Variants in ACAP2 observed in about 807,000 individuals in gnomAD.
ACAP2 encodes the protein ArfGAP with coiled-coil, ankyrin repeat and PH domains 2.
A neutral mutation model predicts 115.8 loss-of-function variants in ACAP2; 39 were observed. The ratio of observed to expected loss-of-function variants is 0.34; its 90% CI spans 0.26 to 0.44. The LOEUF (loss-of-function observed/expected upper bound fraction) is 0.44. Ranked by LOEUF, ACAP2 falls within the 20% of genes least tolerant of loss-of-function variation. The pLI is 1.00. For missense variants in ACAP2, 662 were observed against 927.6 expected, an observed-to-expected ratio of 0.71 and a Z score of 3.72; for synonymous variants, 289 against 315.8, an observed-to-expected ratio of 0.92 and a Z score of 0.90.
In ACAP2 at chr3:195,347,034, T is replaced by C. The variant is rs535131930; in HGVS notation, c.286-1717A>G. ...TTGATGGAACTGTTGTGCATCTTGA[T>C]TTTGGTGTGGAGACCCAACTGTATG... On this transcript the variant is annotated intron_variant, in intron 4 of 22. Coordinates refer to ENST00000326793, the MANE Select transcript of ACAP2 (RefSeq NM_012287.6). Among the ~76,000 whole-genome samples the C allele has an allele frequency of 6.6e-5, 10 of 152,246 alleles. 1 individual carries two copies. In the South Asian group the frequency reaches 2.1e-3, roughly 32 times the overall value.
chr3:195,412,950 T>G (rs1194410943), intron 1 of ACAP2: 2 of 455,106 alleles, frequency 4.4e-6, no homozygotes, highest in Non-Finnish European at 8.8e-6. Flanking sequence ...TAAACAGATA[T>G]GAAATATGTA....
At chr3:195,398,904 T>C (rs896638269) in intron 1 of ACAP2, among the ~76,000 whole-genome samples, 1 of 152,132 alleles carries the variant, frequency 6.6e-6, no homozygotes, top group Admixed American at 6.6e-5. Context: ...TGTCAACTCA[T>C]ACGAGCCCCT....
chr3:195,322,192 T>C (rs1260357009), intron 9 of ACAP2, among the ~76,000 whole-genome samples: 10 of 152,184 alleles, frequency 6.6e-5, no homozygotes, highest in Admixed American at 6.5e-4. Context: ...TCAAAGCATT[T>C]TGAACACAAC....
At chr3:195,296,200 G>A in intron 16 of ACAP2, among the ~76,000 whole-genome samples, 1 of 150,736 alleles carries the variant, frequency 6.6e-6, no homozygotes. Flanking sequence ...GCTTTTTGCA[G>A]AGTAGAAAAC....
Position 195,274,925 on chromosome 3 carries a change from T to C in ACAP2, c.*4403A>G, listed in dbSNP as rs1291423727. On this transcript the variant is annotated 3_prime_UTR_variant, in exon 23 of 23. Coordinates refer to ENST00000326793, the MANE Select transcript of ACAP2 (RefSeq NM_012287.6). The stretch of plus-strand genomic sequence containing the variant: ...TAGATACAAATCCTCTACATACTAA[T>C]AAAAAGTAAATGGACTGTTGGTTAT... The C allele has an allele frequency of 2.0e-5, 3 of 152,642 alleles. No homozygotes were observed. Among genetic ancestry groups the C allele is most frequent in the Admixed American group, 6.5e-5 (1 of 15,282 alleles). 9.5% of individuals were successfully genotyped at this position (152,642 alleles called of 1,614,324 possible).
chr3:195,295,149 A>T (rs1294618422), intron 17 of ACAP2: 1 of 1,110,392 alleles, frequency 9.0e-7, no homozygotes, highest in Non-Finnish European at 1.2e-6. Context: ...ACACCGCACA[A>T]TGACCACTGG....
chr3:195,371,713 C>T (rs1383998663), intron 4 of ACAP2, among the ~76,000 whole-genome samples: 3 of 152,204 alleles, frequency 2.0e-5, no homozygotes, highest in South Asian at 2.1e-4. Flanking sequence ...AGTGCAGTGG[C>T]GTGATCTTGG....
intron 1 of ACAP2, among the ~76,000 whole-genome samples, chr3:195,431,326 TC>T (rs1318295921): frequency 6.6e-6 from 1 of 152,224 alleles, no homozygotes; most frequent in Non-Finnish European, 1.5e-5. Flanking sequence ...TGAATAATGC[TC>T]CTATGAACAT....
At chr3:195,309,101 C>T (rs945320277) in intron 10 of ACAP2, among the ~76,000 whole-genome samples, 1 of 152,186 alleles carries the variant, frequency 6.6e-6, no homozygotes, top group Non-Finnish European at 1.5e-5. Flanking sequence ...CTAACAAAAG[C>T]AGTTATCCTG....
intron 4 of ACAP2, among the ~76,000 whole-genome samples, chr3:195,366,985 T>C (rs561347989): frequency 7.6e-5 from 10 of 130,898 alleles, no homozygotes; most frequent in African/African-American, 2.4e-4. Context: ...AAAGTAGCCA[T>C]AGACAATACA....
intron 4 of ACAP2, among the ~76,000 whole-genome samples, chr3:195,354,871 C>A (rs1035106975): frequency 6.6e-6 from 1 of 152,118 alleles, no homozygotes; most frequent in Admixed American, 6.5e-5. Context: ...TATTTACTGG[C>A]TTTGTTTTGG....
rs964925966 is a variant in ACAP2 at position 195,274,829 on chromosome 3, G to A, written c.*4499C>T. Reference sequence around the variant, plus strand: ...AGTATATTTACAATTCTTACATAATGTACATTTTAGAAGATAATGTACTTT... The same window carrying A: ...AGTATATTTACAATTCTTACATAATATACATTTTAGAAGATAATGTACTTT... On this transcript the variant is annotated 3_prime_UTR_variant, in exon 23 of 23. Transcript: ENST00000326793. 6.6e-6 allele frequency: 1 copy of A among 152,442 alleles called. No individual in the cohort carries two copies. Among genetic ancestry groups the A allele is most frequent in the Non-Finnish European group, 1.5e-5 (1 of 68,002 alleles). The allele number at this position is 152,442 out of a possible 1,614,324, so 9.4% of individuals were successfully genotyped here. A position where few individuals can be genotyped will look rare whatever the true frequency, so the allele number is the denominator to read the frequency against.
chr3:195,432,064 C>T (rs75990113), intron 1 of ACAP2, among the ~76,000 whole-genome samples: 2,502 of 152,242 alleles, frequency 0.016, 24 homozygotes, highest in Non-Finnish European at 0.027. Flanking sequence ...ATTTGTCCTT[C>T]GAGTTGCAGA....
chr3:195,412,536 C>A (rs956759324), intron 1 of ACAP2, among the ~76,000 whole-genome samples: 8 of 152,028 alleles, frequency 5.3e-5, no homozygotes, highest in South Asian at 4.1e-4. Flanking sequence ...CGCTTGAACC[C>A]GGGAGGCGGA....
At chr3:195,318,879 T>C (rs1329724625) in intron 10 of ACAP2, among the ~76,000 whole-genome samples, 3 of 152,152 alleles carry the variant, frequency 2.0e-5, no homozygotes, top group Non-Finnish European at 4.4e-5. Flanking sequence ...TCCAAGACAA[T>C]GGGAAAAATG....
chr3:195,341,753 T>G (rs1485320265), intron 6 of ACAP2, among the ~76,000 whole-genome samples: 2 of 152,156 alleles, frequency 1.3e-5, no homozygotes, highest in Non-Finnish European at 2.9e-5. Flanking sequence ...ATAAGAAGTG[T>G]AAAGATGTTA....
intron 7 of ACAP2, 74 bp from the exon 8 acceptor site, chr3:195,333,197 T>G: frequency 1.6e-6 from 1 of 635,996 alleles, no homozygotes; most frequent in Non-Finnish European, 2.4e-6. Flanking sequence ...CATATATATA[T>G]AAAAATATAT....
chr3:195,430,194 T>G (rs1269848224), intron 1 of ACAP2, among the ~76,000 whole-genome samples: 1 of 152,178 alleles, frequency 6.6e-6, no homozygotes, highest in Non-Finnish European at 1.5e-5. Context: ...GGGAATTTAC[T>G]TGATAAAGAA....
chr3:195,344,473 T>C lies in ACAP2; in HGVS notation c.344+786A>G, dbSNP rs207464212. Among the ~76,000 whole-genome samples the C allele has an allele frequency of 3.9e-5, 6 of 152,268 alleles. No individual in the cohort carries two copies. In the East Asian group the frequency reaches 5.8e-4, roughly 15 times the overall value. ...TTTTAAAATTTCTAGTTCTATTTTA[T>C]TTCACAAAGAAAATGTGAGGTGACA... is the stretch of plus-strand genomic sequence containing the variant. On this transcript the variant is annotated intron_variant, in intron 5 of 22. Transcript: ENST00000326793.
Sources: gnomAD v4.1 joint callset for allele counts (sites outside exome capture counted in the v4.1 genomes callset) on GRCh38, gnomAD v4.1.1 for gene constraint, MANE v1.5 for transcripts, NCBI Gene and HGNC (gene_info 2026-07-23, HGNC 2026-07-21) for gene names.